The following HS6ST3 variants were observed in gnomAD, a reference collection of about 807,000 sequenced individuals.
HS6ST3 encodes the protein heparan-sulfate 6-O-sulfotransferase 3.
Under a neutral mutation model 36.7 loss-of-function variants are expected in HS6ST3, and 12 were observed. The ratio of observed to expected loss-of-function variants is 0.33; its 90% CI spans 0.21 to 0.53. The LOEUF (loss-of-function observed/expected upper bound fraction) is 0.53, where lower values mean the gene tolerates loss of function less well. Ranked by LOEUF, HS6ST3 falls within the 20% of genes least tolerant of loss-of-function variation. HS6ST3 has a pLI of 0.95. For synonymous variants in HS6ST3, 240 were observed against 257.5 expected (o/e 0.93, Z 0.65); for missense variants, 584 against 640.9 (o/e 0.91, Z 0.96).
At chr13:96,518,248 T>C (rs2056080560) in intron 1 of HS6ST3, among the ~76,000 whole-genome samples, 1 of 152,188 alleles carries the variant, frequency 6.6e-6, no homozygotes, top group African/African-American at 2.4e-5. Flanking sequence ...CAGAACATTC[T>C]GAATTTCTTT....
intron 1 of HS6ST3, among the ~76,000 whole-genome samples, chr13:96,231,370 A>C (rs562587303): frequency 6.6e-6 from 1 of 152,274 alleles, no homozygotes; most frequent in South Asian, 2.1e-4. Flanking sequence ...AGAATAGGCA[A>C]TTTATAAAGA....
chr13:96,657,143 C>T (rs1308979216), intron 1 of HS6ST3, among the ~76,000 whole-genome samples: 2 of 151,968 alleles, frequency 1.3e-5, no homozygotes, highest in Non-Finnish European at 2.9e-5. Context: ...ATTTATTCAG[C>T]ACCAACAGAG....
chr13:96,100,232 G>A (rs2053811407), intron 1 of HS6ST3, among the ~76,000 whole-genome samples: 2 of 152,096 alleles, frequency 1.3e-5, no homozygotes, highest in African/African-American at 4.8e-5. Flanking sequence ...CTATCCAGAA[G>A]GCTATCTGAT....
intron 1 of HS6ST3, among the ~76,000 whole-genome samples, chr13:96,741,935 A>G (rs1379386430): frequency 6.6e-6 from 1 of 152,160 alleles, no homozygotes; most frequent in Non-Finnish European, 1.5e-5. Context: ...CTTCCCATTC[A>G]TGCTACTCTG....
chr13:96,390,200 C>T (rs183100794), intron 1 of HS6ST3, among the ~76,000 whole-genome samples: 2 of 152,212 alleles, frequency 1.3e-5, no homozygotes, highest in Non-Finnish European at 2.9e-5. Context: ...AATTCAGACC[C>T]ATAGCATGAA....
intron 1 of HS6ST3, among the ~76,000 whole-genome samples, chr13:96,372,463 T>C (rs1437059994): frequency 6.6e-6 from 1 of 152,156 alleles, no homozygotes; most frequent in East Asian, 1.9e-4. Context: ...TTCCATATGC[T>C]GTATAGGAAA....
At chr13:96,433,268 T>C (rs1458345581) in intron 1 of HS6ST3, among the ~76,000 whole-genome samples, 1 of 152,176 alleles carries the variant, frequency 6.6e-6, no homozygotes, top group East Asian at 1.9e-4. Flanking sequence ...AATGAGGTCA[T>C]TGGGGTGAGC....
chr13:96,289,183 A>G (rs1314139014), intron 1 of HS6ST3, among the ~76,000 whole-genome samples: 1 of 152,182 alleles, frequency 6.6e-6, no homozygotes, highest in Non-Finnish European at 1.5e-5. Context: ...CTAATACTCT[A>G]TTTGTAATAT....
At chr13:96,556,490 T>C (rs1374779804) in intron 1 of HS6ST3, among the ~76,000 whole-genome samples, 1 of 152,284 alleles carries the variant, frequency 6.6e-6, no homozygotes, top group Admixed American at 6.5e-5. Context: ...TCATAGAAAC[T>C]CCTTCTTGGA....
At position 96,764,952 on chromosome 13, in the gene HS6ST3, G is replaced by A. The variant is rs144039276; in HGVS notation, c.708-67538G>A. On this transcript the variant is annotated intron_variant, in intron 1 of 1. Coordinates refer to ENST00000376705, the MANE Select transcript of HS6ST3 (RefSeq NM_153456.4). ...TTGAGTTTAATTCATTGGCCATGTC[G>A]TTAAGCCTAGTTACCCATTAGCCAT... Among the ~76,000 whole-genome samples the A allele has an allele frequency of 2.1e-3, 316 of 151,278 alleles. 3 individuals are homozygous for A. The highest frequency in any genetic ancestry group is 7.3e-3 in the African/African-American group (302 of 41,218).
At chr13:96,220,065 C>A (rs1289682567) in intron 1 of HS6ST3, among the ~76,000 whole-genome samples, 1 of 152,202 alleles carries the variant, frequency 6.6e-6, no homozygotes, top group African/African-American at 2.4e-5. Flanking sequence ...TGAGCACCTC[C>A]TATGTACCAG....
At chr13:96,296,415 G>T (rs1030808205) in intron 1 of HS6ST3, among the ~76,000 whole-genome samples, 2 of 152,092 alleles carry the variant, frequency 1.3e-5, no homozygotes, top group Non-Finnish European at 2.9e-5. Flanking sequence ...TTTGATTTCA[G>T]AATGGGTTCT....
chr13:96,129,925 T>C (rs2053968120), intron 1 of HS6ST3, among the ~76,000 whole-genome samples: 1 of 152,142 alleles, frequency 6.6e-6, no homozygotes, highest in Admixed American at 6.5e-5. Context: ...TGTGAGGTAA[T>C]AACATATTTC....
chr13:96,805,451 T>C (rs1184473779), intron 1 of HS6ST3, among the ~76,000 whole-genome samples: 2 of 152,188 alleles, frequency 1.3e-5, no homozygotes, highest in Middle Eastern at 3.2e-3. Flanking sequence ...AAACCTCTCT[T>C]CTTTATAAAT....
chr13:96,266,339 A>G (rs1022742384), intron 1 of HS6ST3, among the ~76,000 whole-genome samples: 2 of 152,190 alleles, frequency 1.3e-5, no homozygotes, highest in Admixed American at 1.3e-4. Context: ...TACAATATGC[A>G]GAGATTGGAG....
intron 1 of HS6ST3, among the ~76,000 whole-genome samples, chr13:96,723,093 C>T (rs367863993): frequency 3.3e-5 from 5 of 151,990 alleles, no homozygotes; most frequent in Admixed American, 6.6e-5. Context: ...CCCAATGTCT[C>T]TGTTATCCTC....
At chr13:96,344,233 A>G (rs2055143224) in intron 1 of HS6ST3, among the ~76,000 whole-genome samples, 1 of 148,566 alleles carries the variant, frequency 6.7e-6, no homozygotes, top group Non-Finnish European at 1.5e-5. Flanking sequence ...TCTAGGTCCC[A>G]GAGAAAATAG....
At chr13:96,309,340 C>A (rs997113924) in intron 1 of HS6ST3, among the ~76,000 whole-genome samples, 2 of 152,052 alleles carry the variant, frequency 1.3e-5, no homozygotes, top group African/African-American at 4.8e-5. Context: ...TAATCAACAT[C>A]AATGATGATA....
chr13:96,696,311 A>C (rs1039407638), intron 1 of HS6ST3, among the ~76,000 whole-genome samples: 1 of 152,160 alleles, frequency 6.6e-6, no homozygotes, highest in Non-Finnish European at 1.5e-5. Context: ...ATTATCTAGG[A>C]TAGTCTCCCT....
Sources: gnomAD v4.1 joint callset for allele counts (sites outside exome capture counted in the v4.1 genomes callset) on GRCh38, gnomAD v4.1.1 for gene constraint, MANE v1.5 for transcripts, NCBI Gene and HGNC (gene_info 2026-07-23, HGNC 2026-07-21) for gene names.